The following PDE1C variants were observed in gnomAD, a reference collection of about 807,000 sequenced individuals.
PDE1C encodes the protein dual specificity calcium/calmodulin-dependent 3',5'-cyclic nucleotide phosphodiesterase 1C.
A neutral mutation model predicts 93.1 loss-of-function variants in PDE1C; 62 were observed. The observed-to-expected ratio is 0.67, with a 90% confidence interval of 0.54 to 0.82. PDE1C has a LOEUF of 0.82. Among genes scored for constraint, PDE1C ranks in the 40% least tolerant of loss-of-function variants. The pLI is 0.00. For missense variants in PDE1C, 742 were observed against 884.6 expected, an observed-to-expected ratio of 0.84 and a Z score of 2.04; for synonymous variants, 325 against 310.1, an observed-to-expected ratio of 1.05 and a Z score of -0.50.
chr7:31,689,796 A>G, the PDE1C span, among the ~76,000 whole-genome samples: 1 of 152,160 alleles, frequency 6.6e-6, no homozygotes, highest in African/African-American at 2.4e-5. Context: ...ATTCATGATA[A>G]AAGTATCTTC....
chr7:32,031,692 G>C (rs1790343373), intron 2 of PDE1C, among the ~76,000 whole-genome samples: 1 of 152,246 alleles, frequency 6.6e-6, no homozygotes, highest in African/African-American at 2.4e-5. Flanking sequence ...ATTAGACTAG[G>C]GCCTTGATGG....
At chr7:32,204,297 G>A (rs776623630) in intron 2 of PDE1C, among the ~76,000 whole-genome samples, 10 of 152,130 alleles carry the variant, frequency 6.6e-5, no homozygotes, top group Non-Finnish European at 1.3e-4. Context: ...TCTTCAGACC[G>A]CTATTAGCCA....
chr7:31,738,151 A>G, the PDE1C span, among the ~76,000 whole-genome samples: 1 of 152,156 alleles, frequency 6.6e-6, no homozygotes, highest in Non-Finnish European at 1.5e-5. Flanking sequence ...TGCGAGACCC[A>G]GGAAGAGTCG....
rs186483322 is a variant in PDE1C, at chr7:32,309,503, G to T, written c.311-99964C>A. ...AATGTTAAGGGCAGCCAGAGAGAAAGGTCGGGTTACCCTCAAAGGGAAGCC... is the reference window on the plus strand; with the variant it reads ...AATGTTAAGGGCAGCCAGAGAGAAATGTCGGGTTACCCTCAAAGGGAAGCC... On this transcript the variant is annotated intron_variant, in intron 1 of 1. Coordinates refer to the PDE1C transcript ENST00000672256. 4.3e-4 allele frequency among the ~76,000 whole-genome samples: 66 copies of T among 152,300 alleles called. 1 individual carries two copies. The East Asian group carries it at 0.011, about 24-fold the overall frequency.
At chr7:31,944,249 T>A (rs1187384783) in intron 2 of PDE1C, among the ~76,000 whole-genome samples, 1 of 152,184 alleles carries the variant, frequency 6.6e-6, no homozygotes, top group Non-Finnish European at 1.5e-5. Context: ...TCCCTCCCGG[T>A]TACATTCGCA....
chr7:31,727,322 A>G, the PDE1C span, among the ~76,000 whole-genome samples: 6 of 152,204 alleles, frequency 3.9e-5, no homozygotes, highest in African/African-American at 1.4e-4. Context: ...AAGATTATAA[A>G]CATTCAACTG....
intron 1 of PDE1C, among the ~76,000 whole-genome samples, chr7:32,395,522 T>C (rs115391247): frequency 0.038 from 5,852 of 152,118 alleles, 198 homozygotes; most frequent in African/African-American, 0.098. Flanking sequence ...GGTGGACAGG[T>C]GCGCAGAAGC....
intron 3 of PDE1C, among the ~76,000 whole-genome samples, chr7:32,151,450 G>A (rs570429330): frequency 2.0e-5 from 3 of 152,204 alleles, no homozygotes; most frequent in African/African-American, 2.4e-5. Flanking sequence ...TTTGAAATTC[G>A]AAATGGTGGG....
the PDE1C span, among the ~76,000 whole-genome samples, chr7:31,633,209 G>A: frequency 6.6e-6 from 1 of 152,134 alleles, no homozygotes; most frequent in Non-Finnish European, 1.5e-5. Context: ...TTACGCTGAG[G>A]AGAAAGGCCT....
At chr7:32,202,928 G>A (rs115964940) in intron 2 of PDE1C, among the ~76,000 whole-genome samples, 3,172 of 152,012 alleles carry the variant, frequency 0.021, 108 homozygotes, top group African/African-American at 0.073. Context: ...TGTACAGCAG[G>A]TCTCCACATC....
intron 2 of PDE1C, among the ~76,000 whole-genome samples, chr7:31,930,848 C>CAAAAAAAAAAAAAAAAAAAAAA (rs56394903): frequency 3.1e-5 from 1 of 32,638 alleles, no homozygotes; most frequent in Non-Finnish European, 4.7e-5. Context: ...GACTCTGTCT[C>CAAAAAAAAAAAAAAAAAAAAAA]AAAAAAAAAA....
At chr7:32,120,289 C>G (rs772728112) in intron 3 of PDE1C, among the ~76,000 whole-genome samples, 1 of 152,194 alleles carries the variant, frequency 6.6e-6, no homozygotes, top group Admixed American at 6.5e-5. Flanking sequence ...CTCTGCAGAC[C>G]GTCATACTTA....
Position 32,077,771 on chromosome 7 carries a change from A to G in PDE1C, c.308+92014T>C, listed in dbSNP as rs1475726814. The G allele has an allele frequency of 7.2e-6, 5 of 690,652 alleles. No homozygotes were observed. In the African/African-American group the frequency reaches 9.7e-5, roughly 13 times the overall value. The allele number at this position is 690,652 out of a possible 1,614,324, so 42.8% of individuals were successfully genotyped here. A position where few individuals can be genotyped will look rare whatever the true frequency, so the allele number is the denominator to read the frequency against. On this transcript the variant is annotated intron_variant, in intron 3 of 18. Coordinates refer to the PDE1C transcript ENST00000396193. ...TTTTTAGTAGAGACGGGGTTTCACC[A>G]TCTTGGCCAGGCTGGTCTTTAACTC...
At chr7:32,105,270 G>C (rs1418756167) in intron 3 of PDE1C, among the ~76,000 whole-genome samples, 1 of 152,066 alleles carries the variant, frequency 6.6e-6, no homozygotes, top group Non-Finnish European at 1.5e-5. Context: ...AAGAAAATGA[G>C]AGAAGATACA....
chr7:32,200,607 T>C (rs1334960466), intron 2 of PDE1C, among the ~76,000 whole-genome samples: 1 of 152,200 alleles, frequency 6.6e-6, no homozygotes, highest in Non-Finnish European at 1.5e-5. Flanking sequence ...GCTCAAAAAC[T>C]TGCACTTTGG....
At chr7:31,694,871 A>G in the PDE1C span, among the ~76,000 whole-genome samples, 1 of 152,192 alleles carries the variant, frequency 6.6e-6, no homozygotes, top group African/African-American at 2.4e-5. Context: ...AAAAGTAAAT[A>G]AATGAGTCAG....
intron 7 of PDE1C, among the ~76,000 whole-genome samples, chr7:31,856,313 C>T (rs1231168994): frequency 1.3e-5 from 2 of 152,258 alleles, no homozygotes; most frequent in East Asian, 3.9e-4. Flanking sequence ...AGCTGCATTT[C>T]AAAGAGAGAG....
In PDE1C at chr7:32,324,271, A is replaced by G. The variant is rs570962301; in HGVS notation, c.310+103551T>C. 1.6e-3 allele frequency among the ~76,000 whole-genome samples: 249 copies of G among 152,328 alleles called. 1 individual carries two copies. The highest frequency in any genetic ancestry group is 3.1e-3 in the Non-Finnish European group (209 of 68,026). The stretch of plus-strand genomic sequence containing the variant: ...TCTTTTATAGAAACAAAATTTGCCA[A>G]TTCTTGCACATAGCATGCCACAAGA... On this transcript the variant is annotated intron_variant, in intron 1 of 1. Coordinates refer to the PDE1C transcript ENST00000672256.
intron 2 of PDE1C, among the ~76,000 whole-genome samples, chr7:32,029,491 T>G (rs898194056): frequency 1.3e-5 from 2 of 152,078 alleles, no homozygotes; most frequent in African/African-American, 4.8e-5. Context: ...AAAGTTTATC[T>G]TTGTGATAGA....
Sources: gnomAD v4.1 joint callset for allele counts (sites outside exome capture counted in the v4.1 genomes callset) on GRCh38, gnomAD v4.1.1 for gene constraint, MANE v1.5 for transcripts, NCBI Gene and HGNC (gene_info 2026-07-23, HGNC 2026-07-21) for gene names.